BUB1: variants seen among roughly 807,000 people sequenced by gnomAD.
BUB1 encodes the protein BUB1 mitotic checkpoint serine/threonine kinase, also known as mitotic checkpoint serine/threonine-protein kinase BUB1.
BUB1 carries 84 observed loss-of-function variants against 135.2 expected under a neutral mutation model. That is an observed-to-expected ratio of 0.62 (90% CI 0.52 to 0.74). The LOEUF is 0.74. Among genes scored for constraint, BUB1 ranks in the 30% least tolerant of loss-of-function variants. The pLI is 0.00. For synonymous variants in BUB1, 403 were observed against 434.4 expected, an observed-to-expected ratio of 0.93 and a Z score of 0.90; for missense variants, 1,162 against 1,288.3, an observed-to-expected ratio of 0.90 and a Z score of 1.50.
intron 21 of BUB1, 76 bp downstream of exon 21, chr2:110,641,566 C>G: frequency 2.6e-6 from 4 of 1,559,460 alleles, no homozygotes; most frequent in Non-Finnish European, 2.6e-6. Flanking sequence ...AAAGCCCCAA[C>G]CACAAAAGTA....
rs1690293202 is a variant in BUB1 at position 110,667,586 on chromosome 2, G to A, written c.740C>T (p.Ser247Leu). ...YCKEKLIRGE[S>L]EFSFEELRAQ... is the part of the protein sequence containing the mutation. ...TCTCAATTCTTCAAAGGAAAATTCT[G>A]ATTCCCCACGAATAAGCTTCTCCTT... Residue 247 changes from serine (S) to leucine (L), a missense_variant, in exon 8 of 25, where the codon TCA becomes TTA. Ser to Leu is a moderately radical substitution (Grantham distance 145). Coordinates refer to ENST00000302759, the MANE Select transcript of BUB1 (RefSeq NM_004336.5). 6.2e-7 allele frequency: 1 copy of A among 1,613,784 alleles called. No homozygotes were observed. Among genetic ancestry groups the A allele is most frequent in the Admixed American group, 1.7e-5 (1 of 59,932 alleles).
chr2:110,638,548 T>C (rs1689420409), intron 24 of BUB1, among the ~76,000 whole-genome samples: 1 of 152,218 alleles, frequency 6.6e-6, no homozygotes, highest in African/African-American at 2.4e-5. Flanking sequence ...CAGGACCAAG[T>C]AGACAGGTTG....
chr2:110,653,095 T>G (rs1240354050), intron 17 of BUB1, among the ~76,000 whole-genome samples: 1 of 152,248 alleles, frequency 6.6e-6, no homozygotes, highest in African/African-American at 2.4e-5. Context: ...TCTTCTTTCA[T>G]CTGTGACAGT....
chr2:110,653,347 G>T, intron 17 of BUB1, 89 bp downstream of exon 17: 1 of 1,373,572 alleles, frequency 7.3e-7, no homozygotes, highest in Non-Finnish European at 1.0e-6. Context: ...TTCTATTACA[G>T]CCTAAAAGGC....
At chr2:110,638,274 C>G in intron 24 of BUB1, 115 bp from the exon 25 acceptor site, 1 of 695,990 alleles carries the variant, frequency 1.4e-6, no homozygotes, top group Non-Finnish European at 2.2e-6. Flanking sequence ...CAACTCTCAC[C>G]TAAACACAAT....
intron 6 of BUB1, among the ~76,000 whole-genome samples, chr2:110,668,550 A>T (rs1195987215): frequency 6.6e-6 from 1 of 152,234 alleles, no homozygotes; most frequent in Non-Finnish European, 1.5e-5. Context: ...TTTTGCTTCA[A>T]GGAGGTCCTT....
Position 110,638,097 on chromosome 2 carries a change from T to C in BUB1, c.3125A>G (p.His1042Arg). 6.2e-7 allele frequency: 1 copy of C among 1,612,070 alleles called. No individual in the cohort carries two copies. The highest frequency in any genetic ancestry group is 1.1e-5 in the South Asian group (1 of 90,484). The change falls in exon 25 of 25, where the codon CAT becomes CGT. Residue 1042 changes from histidine to arginine, a missense_variant. Coordinates refer to ENST00000302759, the MANE Select transcript of BUB1 (RefSeq NM_004336.5). ...TAACAAATCCAAAGATGGAAGATGATGACAATCTGGAATATTCAACATAAC... is the reference window on the plus strand; with the variant it reads ...TAACAAATCCAAAGATGGAAGATGACGACAATCTGGAATATTCAACATAAC... ...FHVMLNIPDC[H>R]HLPSLDLLRQ...
At chr2:110,647,989 A>G (rs1485628546) in intron 19 of BUB1, among the ~76,000 whole-genome samples, 2 of 152,222 alleles carry the variant, frequency 1.3e-5, no homozygotes, top group South Asian at 4.1e-4. Flanking sequence ...AGTTTCTTAC[A>G]AAAGTAAACA....
At chr2:110,646,317 CAG>C (rs1689645333) in intron 19 of BUB1, among the ~76,000 whole-genome samples, 1 of 125,780 alleles carries the variant, frequency 8.0e-6, no homozygotes, top group Non-Finnish European at 1.5e-5. Context: ...GTCTGGATGA[CAG>C]AGTGATACCC....
intron 19 of BUB1, 83 bp from the exon 20 acceptor site, chr2:110,642,317 T>TA (rs1482912017): frequency 3.3e-6 from 3 of 912,554 alleles, no homozygotes; most frequent in Non-Finnish European, 5.0e-6. Flanking sequence ...TACAAAGACA[T>TA]AGAGTTTTCT....
intron 6 of BUB1, among the ~76,000 whole-genome samples, chr2:110,668,600 T>C (rs1690331834): frequency 6.6e-6 from 1 of 152,080 alleles, no homozygotes; most frequent in Non-Finnish European, 1.5e-5. Flanking sequence ...GAGGGTAACA[T>C]GGGAAACATA....
At chr2:110,670,776 C>CA (rs1342808831) in intron 4 of BUB1, among the ~76,000 whole-genome samples, 1 of 152,090 alleles carries the variant, frequency 6.6e-6, no homozygotes, top group East Asian at 1.9e-4. Context: ...ATCTGTATTA[C>CA]AAAAATTCCT....
intron 15 of BUB1, 107 bp from the exon 16 acceptor site, chr2:110,656,023 AAC>A (rs1689925730): frequency 2.9e-6 from 3 of 1,046,346 alleles, no homozygotes; most frequent in Non-Finnish European, 4.2e-6. Context: ...TTAAAGAAGA[AAC>A]AGATGTCAAC....
chr2:110,677,833 C>A, intron 1 of BUB1, 137 bp downstream of exon 1: 2 of 1,043,122 alleles, frequency 1.9e-6, no homozygotes, highest in Non-Finnish European at 1.4e-6. Context: ...CAGCCCACGG[C>A]CTTGCTGGGT....
rs1291443658 is a variant in BUB1 at position 110,639,766 on chromosome 2, C to T, written c.3038G>A (p.Cys1013Tyr). ...YMKVKNEGGE[C>Y]KPEGLFRRLP... ...CCTTCTAAAAAGACCTTCAGGCTTA[C>T]ACTCTCCTCCTTCATTTTTCACTTT... is the stretch of plus-strand genomic sequence containing the variant. Residue 1013 changes from cysteine (C) to tyrosine (Y), a missense_variant, in exon 24 of 25, where the codon TGT becomes TAT. Coordinates refer to ENST00000302759, the MANE Select transcript of BUB1 (RefSeq NM_004336.5). 2 of 1,613,716 alleles carry T rather than the reference C, an allele frequency of 1.2e-6. No individual in the cohort carries two copies. The highest frequency in any genetic ancestry group is 1.7e-6 in the Non-Finnish European group (2 of 1,179,720).
intron 3 of BUB1, among the ~76,000 whole-genome samples, chr2:110,673,724 G>A (rs748890341): frequency 1.3e-5 from 2 of 151,976 alleles, no homozygotes; most frequent in Non-Finnish European, 2.9e-5. Flanking sequence ...ATAGCCCCCC[G>A]AGTAGCTGGG....
At chr2:110,666,731 A>G (rs914620943) in intron 8 of BUB1, among the ~76,000 whole-genome samples, 1 of 152,144 alleles carries the variant, frequency 6.6e-6, no homozygotes, top group African/African-American at 2.4e-5. Context: ...GTAAACAATC[A>G]TGATTGTGCA....
Position 110,648,053 on chromosome 2 carries a change from G to A in BUB1, c.2347+1181C>T, listed in dbSNP as rs1387349275. On this transcript the variant is annotated intron_variant, in intron 19 of 24. Transcript: ENST00000302759. The surrounding 1 kb of genome is among the most constrained non-coding windows in gnomAD (Gnocchi z 4.2). ...ACTCCTTGGTATTTACCCAAATTATGAGTTGAAAACTTATGTCCACACAAA... is the reference window on the plus strand; with the variant it reads ...ACTCCTTGGTATTTACCCAAATTATAAGTTGAAAACTTATGTCCACACAAA... Among the ~76,000 whole-genome samples, 1 of 152,100 alleles carries A rather than the reference G, an allele frequency of 6.6e-6. No individual in the cohort carries two copies. Among genetic ancestry groups the A allele is most frequent in the Non-Finnish European group, 1.5e-5 (1 of 68,008 alleles).
intron 3 of BUB1, among the ~76,000 whole-genome samples, chr2:110,673,557 T>G (rs1216482355): frequency 6.6e-6 from 1 of 150,862 alleles, no homozygotes; most frequent in African/African-American, 2.4e-5. Context: ...ATTGACTGGT[T>G]GCTGGTAGAG....
Sources: gnomAD v4.1 joint callset for allele counts (sites outside exome capture counted in the v4.1 genomes callset) on GRCh38, gnomAD v4.1.1 for gene constraint, Gnocchi (gnomAD v3.1) non-coding constraint, MANE v1.5 for transcripts, NCBI Gene and HGNC (gene_info 2026-07-23, HGNC 2026-07-21) for gene names.